Variants in SYT14 observed in about 807,000 individuals in gnomAD.
SYT14 encodes synaptotagmin 14, also known as synaptotagmin-14.
Under a neutral mutation model 74.2 loss-of-function variants are expected in SYT14, and 32 were observed. That is an observed-to-expected ratio of 0.43 (90% CI 0.33 to 0.58). The LOEUF is 0.58. Ranked by LOEUF, SYT14 falls within the 20% of genes least tolerant of loss-of-function variation. SYT14 has a pLI of 0.05. For missense variants in SYT14, 791 were observed against 981.8 expected (o/e 0.81, Z 2.60); for synonymous variants, 298 against 337.7 (o/e 0.88, Z 1.29).
At chr1:210,029,747 A>G (rs1430634740) in intron 5 of SYT14, among the ~76,000 whole-genome samples, 1 of 152,146 alleles carries the variant, frequency 6.6e-6, no homozygotes, top group Non-Finnish European at 1.5e-5. Flanking sequence ...TTGAGATTCC[A>G]TATGAATTTT....
intron 2 of SYT14, among the ~76,000 whole-genome samples, chr1:209,977,213 G>A (rs2079384538): frequency 6.6e-6 from 1 of 152,120 alleles, no homozygotes; most frequent in African/African-American, 2.4e-5. Flanking sequence ...TACATTAAAG[G>A]TTAATATTGT....
intron 2 of SYT14, among the ~76,000 whole-genome samples, chr1:209,956,201 G>T (rs2078988892): frequency 6.6e-6 from 1 of 152,044 alleles, no homozygotes; most frequent in Admixed American, 6.6e-5. Flanking sequence ...CCCTAGAAAA[G>T]ATTTTTCTGC....
intron 5 of SYT14, among the ~76,000 whole-genome samples, chr1:210,071,643 A>G (rs1042662618): frequency 2.6e-5 from 4 of 152,138 alleles, no homozygotes; most frequent in African/African-American, 4.8e-5. Flanking sequence ...TTGATATTCA[A>G]TTCCTGATTT....
At chr1:209,938,338 G>C in intron 1 of SYT14, 61 bp downstream of exon 1, 1 of 1,509,248 alleles carries the variant, frequency 6.6e-7, no homozygotes. Context: ...GGGGGGCTCG[G>C]AGGTGCGCCG....
chr1:210,160,790 A>G (rs758581975), exon 10 of SYT14: 1 of 1,614,026 alleles, frequency 6.2e-7, no homozygotes, highest in Non-Finnish European at 8.5e-7. Context: ...AATGCAAGAC[A>G]TCCATCCGCA....
intron 2 of SYT14, among the ~76,000 whole-genome samples, chr1:210,006,054 C>T (rs1240451877): frequency 6.6e-6 from 1 of 151,830 alleles, no homozygotes; most frequent in Non-Finnish European, 1.5e-5. Context: ...GTAACTGTTT[C>T]TCTTAGAGGG....
chr1:210,082,562 A>G (rs915361019), intron 5 of SYT14, among the ~76,000 whole-genome samples: 8 of 151,924 alleles, frequency 5.3e-5, no homozygotes, highest in African/African-American at 2.4e-5. Flanking sequence ...AAACAGGCAT[A>G]ACTATAAGAC....
At chr1:209,942,367 C>T (rs1028456134) in intron 1 of SYT14, among the ~76,000 whole-genome samples, 2 of 130,108 alleles carry the variant, frequency 1.5e-5, no homozygotes, top group Non-Finnish European at 3.2e-5. Flanking sequence ...TTTACCCCCC[C>T]CCCCCCGCTC....
chr1:209,956,541 C>T (rs2078995812), intron 2 of SYT14, among the ~76,000 whole-genome samples: 1 of 152,096 alleles, frequency 6.6e-6, no homozygotes, highest in Non-Finnish European at 1.5e-5. Flanking sequence ...AAGGAAAGTA[C>T]ATTCCTTAAG....
intron 2 of SYT14, among the ~76,000 whole-genome samples, chr1:209,966,326 C>T (rs1399430938): frequency 2.6e-5 from 4 of 152,096 alleles, no homozygotes; most frequent in South Asian, 2.1e-4. Flanking sequence ...ACCCTTTGCA[C>T]ATCTGTGTGA....
exon 10 of SYT14, chr1:210,161,361 A>G (rs1328524087): frequency 2.1e-6 from 1 of 478,758 alleles, no homozygotes; most frequent in African/African-American, 2.0e-5. Flanking sequence ...TTTTATGAAA[A>G]ATCAAAATTA....
intron 5 of SYT14, among the ~76,000 whole-genome samples, chr1:210,056,772 C>T (rs1322572240): frequency 2.6e-5 from 4 of 151,204 alleles, no homozygotes; most frequent in Non-Finnish European, 4.4e-5. Context: ...GGCAACAGAG[C>T]GAAACTCCGT....
chr1:210,066,769 C>T (rs1431384581), intron 5 of SYT14, among the ~76,000 whole-genome samples: 1 of 152,006 alleles, frequency 6.6e-6, no homozygotes, highest in African/African-American at 2.4e-5. Context: ...GTAGGTATGT[C>T]TTTATTAGCA....
intron 2 of SYT14, among the ~76,000 whole-genome samples, chr1:210,011,892 T>C (rs1191379498): frequency 6.6e-6 from 1 of 152,176 alleles, no homozygotes; most frequent in Non-Finnish European, 1.5e-5. Flanking sequence ...AAAAACTTAG[T>C]TCCTGTTTAA....
At chr1:210,109,279 A>G (rs2082215704) in intron 7 of SYT14, among the ~76,000 whole-genome samples, 1 of 152,142 alleles carries the variant, frequency 6.6e-6, no homozygotes. Flanking sequence ...AATGGCGATC[A>G]TTAAAAAGGC....
intron 5 of SYT14, among the ~76,000 whole-genome samples, chr1:210,070,964 T>A (rs565394453): frequency 1.1e-5 from 1 of 92,466 alleles, no homozygotes; most frequent in Non-Finnish European, 1.9e-5. Flanking sequence ...TCCTTTGTGA[T>A]GAGGAAAAAC....
At chr1:210,107,440 C>T (rs2082178902) in intron 7 of SYT14, among the ~76,000 whole-genome samples, 1 of 152,154 alleles carries the variant, frequency 6.6e-6, no homozygotes, top group African/African-American at 2.4e-5. Flanking sequence ...AAAACAAAAC[C>T]ATACTGACAT....
At chr1:210,007,705 A>G (rs1028903530) in intron 2 of SYT14, among the ~76,000 whole-genome samples, 1 of 152,114 alleles carries the variant, frequency 6.6e-6, no homozygotes, top group Admixed American at 6.5e-5. Context: ...CTTATCTTTT[A>G]TATGCAGGTT....
intron 5 of SYT14, among the ~76,000 whole-genome samples, chr1:210,071,781 T>TA (rs964257596): frequency 6.6e-6 from 1 of 151,862 alleles, no homozygotes; most frequent in Non-Finnish European, 1.5e-5. Flanking sequence ...ATTTTACTGA[T>TA]AAAAAAAGCT....
Sources: gnomAD v4.1 joint callset for allele counts (sites outside exome capture counted in the v4.1 genomes callset) on GRCh38, gnomAD v4.1.1 for gene constraint, MANE v1.5 for transcripts, NCBI Gene and HGNC (gene_info 2026-07-23, HGNC 2026-07-21) for gene names.